SLC34A2: variants seen among roughly 807,000 people sequenced by gnomAD.
The protein encoded by SLC34A2 is solute carrier family 34 member 2.
Under a neutral mutation model 50.8 loss-of-function variants are expected in SLC34A2, and 41 were observed. The observed-to-expected ratio is 0.81, with a 90% CI of 0.63 to 1.05. The LOEUF is 1.05. Among genes scored for constraint, SLC34A2 ranks in the 50% least tolerant of loss-of-function variants. The pLI, the probability that SLC34A2 is intolerant of heterozygous loss-of-function variation, is 0.00. For synonymous variants in SLC34A2, 401 were observed against 364.2 expected, an observed-to-expected ratio of 1.10 and a Z score of -1.15; for missense variants, 879 against 876.7, an observed-to-expected ratio of 1.00 and a Z score of -0.03.
At chr4:25,665,629 A>G (rs1268019696) in intron 4 of SLC34A2, among the ~76,000 whole-genome samples, 1 of 152,084 alleles carries the variant, frequency 6.6e-6, no homozygotes, top group Non-Finnish European at 1.5e-5. Flanking sequence ...TCTTGAGAAT[A>G]ACTCTCCCAG....
chr4:25,663,663 G>C (rs989669094), intron 3 of SLC34A2, among the ~76,000 whole-genome samples: 82 of 152,122 alleles, frequency 5.4e-4, no homozygotes, highest in African/African-American at 1.8e-3. Context: ...GAGCTGGGAG[G>C]GGGAAGATGA....
At chr4:25,672,331 C>T (rs1009856354) in intron 9 of SLC34A2, among the ~76,000 whole-genome samples, 1 of 152,122 alleles carries the variant, frequency 6.6e-6, no homozygotes, top group African/African-American at 2.4e-5. Context: ...ATGTGGGACC[C>T]ACATAGAACA....
chr4:25,658,716 T>C (rs1267184420), intron 1 of SLC34A2, among the ~76,000 whole-genome samples: 1 of 152,176 alleles, frequency 6.6e-6, no homozygotes, highest in African/African-American at 2.4e-5. Flanking sequence ...GTAAAAAGCT[T>C]CCAAATGATG....
chr4:25,668,734 C>T (rs1030661058), intron 6 of SLC34A2, among the ~76,000 whole-genome samples: 20 of 151,966 alleles, frequency 1.3e-4, no homozygotes, highest in African/African-American at 4.8e-4. Flanking sequence ...ACCCATGCCA[C>T]CTTTTCTTTG....
chr4:25,676,030 A>T, intron 12 of SLC34A2, 105 bp from the exon 13 acceptor site: 1 of 1,543,054 alleles, frequency 6.5e-7, no homozygotes, highest in Non-Finnish European at 8.7e-7. Flanking sequence ...AAGGCCCGAG[A>T]CTGTGCTGCC....
intron 6 of SLC34A2, among the ~76,000 whole-genome samples, chr4:25,668,414 A>T (rs1188577469): frequency 6.6e-6 from 1 of 152,216 alleles, no homozygotes; most frequent in Non-Finnish European, 1.5e-5. Flanking sequence ...GCACTCTGGG[A>T]GGCCCAGGCG....
intron 1 of SLC34A2, among the ~76,000 whole-genome samples, chr4:25,656,994 G>A (rs79416121): frequency 6.6e-6 from 1 of 152,004 alleles, no homozygotes; most frequent in Non-Finnish European, 1.5e-5. Flanking sequence ...GATTGTTAAA[G>A]AAAAACAAAA....
At chr4:25,665,678 A>G (rs1714458742) in intron 4 of SLC34A2, among the ~76,000 whole-genome samples, 1 of 152,098 alleles carries the variant, frequency 6.6e-6, no homozygotes, top group Non-Finnish European at 1.5e-5. Flanking sequence ...AAGGGTGGAT[A>G]GAGAGATCTA....
In SLC34A2 at chr4:25,676,802, T is replaced by C. The variant is rs565661914; in HGVS notation, c.*53T>C. 139 of 1,610,986 alleles carry C rather than the reference T, an allele frequency of 8.6e-5. No homozygotes were observed. In the African/African-American group the frequency reaches 1.7e-3, roughly 20 times the overall value. On this transcript the variant is annotated 3_prime_UTR_variant, in exon 13 of 13. Coordinates refer to ENST00000382051, the MANE Select transcript of SLC34A2 (RefSeq NM_006424.3). ...GGGATGGTCCTTGAGTTTTGCATGCTCTCCTCCCTCCCACTTCTGCACCCT... is the reference window on the plus strand; with the variant it reads ...GGGATGGTCCTTGAGTTTTGCATGCCCTCCTCCCTCCCACTTCTGCACCCT...
intron 4 of SLC34A2, 119 bp downstream of exon 4, chr4:25,664,449 AACCG>A: frequency 9.6e-7 from 1 of 1,044,736 alleles, no homozygotes; most frequent in South Asian, 1.3e-5. Flanking sequence ...TTAGGACTGG[AACCG>A]ACCTCAGATC....
intron 12 of SLC34A2, among the ~76,000 whole-genome samples, chr4:25,675,900 T>C (rs1030400854): frequency 6.6e-6 from 1 of 152,052 alleles, no homozygotes; most frequent in Non-Finnish European, 1.5e-5. Context: ...CTCTGTAGAG[T>C]GTTTTTTGAG....
rs374959802 is a variant in SLC34A2, at chr4:25,662,514, C to T, written c.14C>T (p.Pro5Leu). Residue 5 changes from proline to leucine, a missense_variant, in exon 2 of 13, where the codon CCT becomes CTT. Physicochemically the swap from Pro to Leu is moderately conservative, Grantham distance 98. Coordinates refer to ENST00000382051, the MANE Select transcript of SLC34A2 (RefSeq NM_006424.3). Reference sequence around the variant, plus strand: ...CATCCACAGACCATGGCTCCCTGGCCTGAATTGGGAGATGCCCAGCCCAAC... The same window carrying T: ...CATCCACAGACCATGGCTCCCTGGCTTGAATTGGGAGATGCCCAGCCCAAC... The part of the protein sequence containing the change: MAPW[P>L]ELGDAQPNPD... 3 of 1,614,074 alleles carry T rather than the reference C, an allele frequency of 1.9e-6. No individual in the cohort carries two copies. Among genetic ancestry groups the T allele is most frequent in the Admixed American group, 1.7e-5 (1 of 60,014 alleles).
chr4:25,673,503 G>A (rs2240997), intron 10 of SLC34A2, among the ~76,000 whole-genome samples: 27,803 of 152,062 alleles, frequency 0.18, 3,344 homozygotes, highest in African/African-American at 0.34. Flanking sequence ...AGAGAGCTGT[G>A]AGTCAGGCCT....
chr4:25,670,685 C>G (rs1714764853), intron 7 of SLC34A2, 53 bp from the exon 8 acceptor site: 1 of 1,431,804 alleles, frequency 7.0e-7, no homozygotes, highest in African/African-American at 1.4e-5. Flanking sequence ...GGGTTTGTGT[C>G]CTAAATCGGT....
intron 4 of SLC34A2, chr4:25,664,988 C>T (rs1714413535): frequency 4.4e-6 from 1 of 229,820 alleles, no homozygotes; most frequent in Non-Finnish European, 8.6e-6. Flanking sequence ...AGCCCTGAGA[C>T]TCACAGCCTG....
At chr4:25,669,131 AT>A (rs1560238612) in intron 6 of SLC34A2, among the ~76,000 whole-genome samples, 1 of 152,134 alleles carries the variant, frequency 6.6e-6, no homozygotes, top group Non-Finnish European at 1.5e-5. Context: ...TTTAAGTTAA[AT>A]TTTTTTATTG....
chr4:25,662,562 C>G lies in SLC34A2; in HGVS notation c.62C>G (p.Ala21Gly). 6.2e-7 allele frequency: 1 copy of G among 1,614,134 alleles called. No homozygotes were observed. Among genetic ancestry groups the G allele is most frequent in the Non-Finnish European group, 8.5e-7 (1 of 1,180,028 alleles). ...AACCCCGATAAGTACCTCGAAGGGG[C>G]CGCAGGTCAGCAGCCCACTGCCCCT... ...QPNPDKYLEG[A>G]AGQQPTAPDK... The change falls in exon 2 of 13, where the codon GCC becomes GGC. Residue 21 changes from alanine to glycine, a missense_variant. Coordinates refer to ENST00000382051, the MANE Select transcript of SLC34A2 (RefSeq NM_006424.3).
chr4:25,663,061 G>GC (rs1240604123), intron 3 of SLC34A2, among the ~76,000 whole-genome samples: 3 of 151,906 alleles, frequency 2.0e-5, no homozygotes, highest in African/African-American at 7.3e-5. Flanking sequence ...TGCAAGCTCT[G>GC]CCCCGTGGGT....
chr4:25,673,294 C>A, intron 10 of SLC34A2, 40 bp downstream of exon 10: 1 of 622,990 alleles, frequency 1.6e-6, no homozygotes, highest in South Asian at 1.8e-5. Flanking sequence ...CACATGTAGT[C>A]ACTGCATGGG....
Sources: gnomAD v4.1 joint callset for allele counts (sites outside exome capture counted in the v4.1 genomes callset) on GRCh38, gnomAD v4.1.1 for gene constraint, MANE v1.5 for transcripts, NCBI Gene and HGNC (gene_info 2026-07-23, HGNC 2026-07-21) for gene names.